The following CLYBL variants were observed in gnomAD, a reference collection of about 807,000 sequenced individuals.
The protein encoded by CLYBL is citramalyl-CoA lyase, also known as citramalyl-CoA lyase, mitochondrial.
CLYBL carries 31 observed loss-of-function variants against 38.9 expected under a neutral mutation model. That is an observed-to-expected ratio of 0.80 (90% CI 0.60 to 1.08). The LOEUF is 1.08. CLYBL is among the 50% of genes least tolerant of loss of function. CLYBL has a pLI of 0.00. For synonymous variants in CLYBL, 171 were observed against 158.6 expected (o/e 1.08, Z -0.59); for missense variants, 434 against 411.6 (o/e 1.05, Z -0.47).
At chr13:99,723,976 T>A (rs2048431356) in intron 1 of CLYBL, among the ~76,000 whole-genome samples, 1 of 152,208 alleles carries the variant, frequency 6.6e-6, no homozygotes, top group South Asian at 2.1e-4. Context: ...TCCTCACCAT[T>A]GTCTGAGCTC....
At chr13:99,909,323 C>T (rs925398039) in exon 10 of CLYBL, among the ~76,000 whole-genome samples, 4 of 152,214 alleles carry the variant, frequency 2.6e-5, no homozygotes, top group Admixed American at 6.5e-5. Context: ...GGTGATATTA[C>T]TGGAACTCAT....
chr13:99,904,832 C>A (rs1057408479), intron 8 of CLYBL, among the ~76,000 whole-genome samples: 2 of 152,194 alleles, frequency 1.3e-5, no homozygotes, highest in African/African-American at 4.8e-5. Context: ...CAGAGGTGAG[C>A]GTAGCTGCCC....
At chr13:99,755,101 G>A (rs1043794426) in intron 1 of CLYBL, among the ~76,000 whole-genome samples, 1 of 151,996 alleles carries the variant, frequency 6.6e-6, no homozygotes, top group Admixed American at 6.5e-5. Context: ...GTTTCACCAT[G>A]TTAGCCAGGA....
chr13:99,736,025 A>G (rs528129839), intron 1 of CLYBL, among the ~76,000 whole-genome samples: 2 of 143,138 alleles, frequency 1.4e-5, no homozygotes, highest in South Asian at 4.5e-4. Flanking sequence ...ACTATATCCT[A>G]TACGTTTCTT....
chr13:99,625,355 A>G (rs535995350), intron 1 of CLYBL, among the ~76,000 whole-genome samples: 1 of 152,338 alleles, frequency 6.6e-6, no homozygotes, highest in African/African-American at 2.4e-5. Flanking sequence ...AGCAGCGTTT[A>G]GGCTCCGCAG....
At position 99,723,163 on chromosome 13, in the gene CLYBL, A is replaced by C. The variant is rs557083304; in HGVS notation, c.63-49661A>C. On this transcript the variant is annotated intron_variant, in intron 1 of 8. Transcript: ENST00000339105. Reference sequence around the variant, plus strand: ...GAATAAGGCCCAGGAGCTGGCTTTAAAACACCGTGTGACTTTCCCAGGCTG... The same window carrying C: ...GAATAAGGCCCAGGAGCTGGCTTTACAACACCGTGTGACTTTCCCAGGCTG... Among the ~76,000 whole-genome samples the C allele has an allele frequency of 1.8e-4, 27 of 152,354 alleles. 1 individual carries two copies. The South Asian group carries it at 5.4e-3, about 30-fold the overall frequency.
intron 1 of CLYBL, among the ~76,000 whole-genome samples, chr13:99,771,189 C>G (rs1034074964): frequency 2.6e-5 from 4 of 152,060 alleles, no homozygotes; most frequent in Non-Finnish European, 5.9e-5. Context: ...GGCATATGCA[C>G]TATGCCTGGC....
chr13:99,718,377 A>G (rs1455860078), intron 1 of CLYBL, among the ~76,000 whole-genome samples: 1 of 151,916 alleles, frequency 6.6e-6, no homozygotes, highest in Non-Finnish European at 1.5e-5. Flanking sequence ...AAAAAAAGAA[A>G]AAAAAAAAAA....
At chr13:99,874,142 T>C (rs576080219) in intron 7 of CLYBL, among the ~76,000 whole-genome samples, 10 of 152,202 alleles carry the variant, frequency 6.6e-5, no homozygotes, top group Non-Finnish European at 1.5e-4. Flanking sequence ...TCTTATCTTA[T>C]TAAAATCTGT....
At chr13:99,607,375 C>T (rs1012054225) in intron 1 of CLYBL, among the ~76,000 whole-genome samples, 1 of 152,038 alleles carries the variant, frequency 6.6e-6, no homozygotes, top group Non-Finnish European at 1.5e-5. Flanking sequence ...TAAAGGACAG[C>T]TGGAGTCTCA....
At chr13:99,718,396 G>A (rs1176075491) in intron 1 of CLYBL, among the ~76,000 whole-genome samples, 1 of 151,566 alleles carries the variant, frequency 6.6e-6, no homozygotes, top group East Asian at 1.9e-4. Flanking sequence ...AAAACCTAGA[G>A]AGGGTTTTCA....
At chr13:99,819,465 T>TATATATATATATATAAAA (rs1366110606) in intron 2 of CLYBL, among the ~76,000 whole-genome samples, 2 of 58,744 alleles carry the variant, frequency 3.4e-5, no homozygotes, top group African/African-American at 1.5e-4. Context: ...TATATATATA[T>TATATATATATATATAAAA]ATAATATTTG....
chr13:99,693,358 C>T (rs1256314932), intron 1 of CLYBL, among the ~76,000 whole-genome samples: 3 of 152,138 alleles, frequency 2.0e-5, no homozygotes, highest in African/African-American at 7.2e-5. Context: ...TCCTCCTTCC[C>T]TTAAAATCAC....
intron 8 of CLYBL, among the ~76,000 whole-genome samples, chr13:99,902,744 G>C (rs1294649671): frequency 6.6e-6 from 1 of 152,214 alleles, no homozygotes; most frequent in Non-Finnish European, 1.5e-5. Context: ...GTCCCAGTTT[G>C]TTGACCTTCA....
At chr13:99,770,517 CTG>C (rs2049366012) in intron 1 of CLYBL, among the ~76,000 whole-genome samples, 1 of 152,088 alleles carries the variant, frequency 6.6e-6, no homozygotes, top group Non-Finnish European at 1.5e-5. Context: ...CGGGGTTTCA[CTG>C]TGTTAGCGAG....
rs1026998136 is a variant in CLYBL, at chr13:99,849,160, A to AG, written c.250-9701_250-9700insG. 1.3e-5 allele frequency among the ~76,000 whole-genome samples: 2 copies of AG among 151,396 alleles called. No individual in the cohort carries two copies. The highest frequency in any genetic ancestry group is 2.9e-5 in the Non-Finnish European group (2 of 67,870). ...CTCAAAAAAAGAAAAAAGAAAAAAA[A>AG]AACACTATTGAGAAAGACAGTGTAA... On this transcript the variant is annotated intron_variant, in intron 2 of 8. Transcript: ENST00000339105. This position sits in a 1 kb window ranked among gnomAD's most constrained non-coding sequence, Gnocchi z 4.9.
chr13:99,906,763 G>A (rs2152139814), intron 9 of CLYBL, among the ~76,000 whole-genome samples: 1 of 152,254 alleles, frequency 6.6e-6, no homozygotes, highest in South Asian at 2.1e-4. Context: ...GATTTGGGCT[G>A]GAGAGCATTT....
At chr13:99,903,950 C>T (rs1043596347) in intron 8 of CLYBL, among the ~76,000 whole-genome samples, 9 of 151,790 alleles carry the variant, frequency 5.9e-5, no homozygotes, top group South Asian at 2.1e-4. Context: ...GAGGCTGATG[C>T]GGGAGGAGCA....
chr13:99,644,846 A>T (rs1007039353), intron 1 of CLYBL, among the ~76,000 whole-genome samples: 2 of 152,166 alleles, frequency 1.3e-5, no homozygotes, highest in Non-Finnish European at 2.9e-5. Context: ...AAATGGCAGG[A>T]TCTCATTCTC....
Sources: allele counts gnomAD v4.1 joint callset (sites outside exome capture counted in the v4.1 genomes callset), GRCh38; gene constraint gnomAD v4.1.1; non-coding constraint Gnocchi (gnomAD v3.1); transcripts MANE v1.5; gene names NCBI Gene and HGNC (gene_info 2026-07-23, HGNC 2026-07-21).